The following GRIA4 variants were observed in gnomAD, a reference collection of about 807,000 sequenced individuals.
GRIA4 encodes glutamate ionotropic receptor AMPA type subunit 4, also known as glutamate receptor 4.
In GRIA4, 34 loss-of-function variants were observed where a neutral mutation model predicts 104.0. That is an observed-to-expected ratio of 0.33 (90% CI 0.25 to 0.44). GRIA4 has a LOEUF of 0.44. Ranked by LOEUF, GRIA4 falls within the 20% of genes least tolerant of loss-of-function variation. The pLI, the probability that GRIA4 is intolerant of heterozygous loss-of-function variation, is 1.00. For synonymous variants in GRIA4, 386 were observed against 381.9 expected, an observed-to-expected ratio of 1.01 and a Z score of -0.13; for missense variants, 750 against 1,096.5, an observed-to-expected ratio of 0.68 and a Z score of 4.46.
At chr11:105,682,208 A>G (rs1249440241) in intron 3 of GRIA4, among the ~76,000 whole-genome samples, 1 of 152,134 alleles carries the variant, frequency 6.6e-6, no homozygotes, top group Admixed American at 6.6e-5. Flanking sequence ...TGTTGAATTA[A>G]TATCTTTATT....
chr11:105,788,263 T>C (rs1942063264), intron 4 of GRIA4, among the ~76,000 whole-genome samples: 1 of 152,300 alleles, frequency 6.6e-6, no homozygotes, highest in African/African-American at 2.4e-5. Flanking sequence ...TTGGCATGGA[T>C]GTGGAGAAAA....
chr11:105,763,317 G>A (rs1363864496), intron 4 of GRIA4, among the ~76,000 whole-genome samples: 5 of 152,126 alleles, frequency 3.3e-5, no homozygotes, highest in African/African-American at 1.2e-4. Context: ...TGGTATGGAC[G>A]TGGAAGTTGG....
At chr11:105,936,155 A>G (rs1318330395) in intron 14 of GRIA4, among the ~76,000 whole-genome samples, 1 of 152,102 alleles carries the variant, frequency 6.6e-6, no homozygotes, top group Non-Finnish European at 1.5e-5. Flanking sequence ...TCTAAGCGGG[A>G]GACTCATCAG....
At chr11:105,633,724 A>C (rs975988697) in intron 3 of GRIA4, among the ~76,000 whole-genome samples, 4 of 152,200 alleles carry the variant, frequency 2.6e-5, no homozygotes, top group African/African-American at 9.7e-5. Flanking sequence ...TGTATTTCAG[A>C]CTTAGTTAAA....
At chr11:105,659,803 T>G (rs1392869739) in intron 3 of GRIA4, among the ~76,000 whole-genome samples, 2 of 151,742 alleles carry the variant, frequency 1.3e-5, no homozygotes, top group Middle Eastern at 3.2e-3. Flanking sequence ...ATCATAGGAC[T>G]GAAAGAACAT....
At position 105,921,306 on chromosome 11, in the gene GRIA4, GGTGTGTGTGTGTGT is replaced by G. The variant is rs5794436; in HGVS notation, c.1476+2419_1476+2432del. ...ATTTCCTTGGCCTCTACCACACTTG[GGTGTGTGTGTGTGT>G]GTGTGTGTGTGTGTGTGTGTGTGTG... On this transcript the variant is annotated intron_variant, in intron 11 of 16. Transcript: ENST00000282499. 4.3e-3 allele frequency among the ~76,000 whole-genome samples: 595 copies of G among 138,850 alleles called. 5 individuals are homozygous for G. Among genetic ancestry groups the G allele is most frequent in the Admixed American group, 5.3e-3 (73 of 13,824 alleles). 91.1% of individuals were successfully genotyped at this position (138,850 alleles called of 152,430 possible).
chr11:105,925,375 T>C (rs549827582), intron 12 of GRIA4, among the ~76,000 whole-genome samples: 4 of 152,256 alleles, frequency 2.6e-5, no homozygotes. Flanking sequence ...TTCCTTTGGA[T>C]ACCACTAAGA....
In GRIA4 at chr11:105,927,817, C is replaced by T. The variant is rs1207535722; in HGVS notation, c.2046+878C>T. On this transcript the variant is annotated intron_variant, in intron 13 of 16. Coordinates refer to ENST00000282499, the MANE Select transcript of GRIA4 (RefSeq NM_000829.4). ...TTCAAAACCCAAAAATTAAAAAGTTCGCCAGAGTGACATTTTTATGAATAT... is the reference window on the plus strand; with the variant it reads ...TTCAAAACCCAAAAATTAAAAAGTTTGCCAGAGTGACATTTTTATGAATAT... Among the ~76,000 whole-genome samples, 4 of 151,826 alleles carry T rather than the reference C, an allele frequency of 2.6e-5. No individual in the cohort carries two copies. In the South Asian group the frequency reaches 6.2e-4, roughly 24 times the overall value.
At chr11:105,899,249 C>T (rs1405175151) in intron 7 of GRIA4, among the ~76,000 whole-genome samples, 2 of 152,094 alleles carry the variant, frequency 1.3e-5, no homozygotes, top group Admixed American at 1.3e-4. Flanking sequence ...TGGAATTTGG[C>T]CAGCTCAGCA....
At chr11:105,706,694 T>C (rs1469814037) in intron 3 of GRIA4, 2 of 152,396 alleles carry the variant, frequency 1.3e-5, no homozygotes, top group African/African-American at 2.4e-5. Flanking sequence ...GATGCTGTAA[T>C]TGTTCAACTT....
intron 4 of GRIA4, among the ~76,000 whole-genome samples, chr11:105,817,490 A>T (rs1424049041): frequency 1.3e-5 from 2 of 150,656 alleles, no homozygotes; most frequent in African/African-American, 2.4e-5. Flanking sequence ...TAGTTTTTAA[A>T]TTTTTTTTTC....
At chr11:105,651,038 T>C (rs1951672083) in intron 3 of GRIA4, among the ~76,000 whole-genome samples, 2 of 152,176 alleles carry the variant, frequency 1.3e-5, no homozygotes, top group Non-Finnish European at 2.9e-5. Context: ...GTAACTTTTC[T>C]ATTTACAAAA....
chr11:105,867,312 T>C (rs901922429), intron 5 of GRIA4, among the ~76,000 whole-genome samples: 2 of 152,172 alleles, frequency 1.3e-5, no homozygotes, highest in Non-Finnish European at 2.9e-5. Context: ...AATGTGGACA[T>C]GATCCCAGTT....
At chr11:105,760,464 T>C (rs1478619450) in intron 4 of GRIA4, among the ~76,000 whole-genome samples, 3 of 152,172 alleles carry the variant, frequency 2.0e-5, no homozygotes, top group Non-Finnish European at 4.4e-5. Context: ...AATTTTTTTC[T>C]TGCAATGTTG....
chr11:105,771,850 T>C (rs544072157), intron 4 of GRIA4, among the ~76,000 whole-genome samples: 49 of 152,172 alleles, frequency 3.2e-4, no homozygotes, highest in African/African-American at 1.2e-3. Flanking sequence ...CTAAAATACA[T>C]GTAAATACTA....
intron 3 of GRIA4, among the ~76,000 whole-genome samples, chr11:105,643,328 G>A (rs1029751705): frequency 2.0e-5 from 3 of 152,084 alleles, no homozygotes; most frequent in Non-Finnish European, 1.5e-5. Context: ...TGACATCAAT[G>A]TTAAGATCAA....
chr11:105,861,528 C>T (rs1219094814), intron 4 of GRIA4, among the ~76,000 whole-genome samples: 1 of 152,024 alleles, frequency 6.6e-6, no homozygotes, highest in Admixed American at 6.6e-5. Flanking sequence ...ACAAATAAAG[C>T]ACCGAGAATA....
intron 3 of GRIA4, chr11:105,613,209 A>T (rs1003312368): frequency 6.6e-6 from 1 of 151,670 alleles, no homozygotes; most frequent in East Asian, 1.9e-4. Flanking sequence ...AATTCCTCCC[A>T]CTCTCACCAG....
intron 3 of GRIA4, among the ~76,000 whole-genome samples, chr11:105,724,762 A>G (rs1006916785): frequency 1.3e-5 from 2 of 152,150 alleles, no homozygotes; most frequent in Non-Finnish European, 2.9e-5. Context: ...ACAAAATTGT[A>G]CTTATAGCCC....
Sources: gnomAD v4.1 joint callset for allele counts (sites outside exome capture counted in the v4.1 genomes callset) on GRCh38, gnomAD v4.1.1 for gene constraint, MANE v1.5 for transcripts, NCBI Gene and HGNC (gene_info 2026-07-23, HGNC 2026-07-21) for gene names.